Variants in TNC observed in about 807,000 individuals in gnomAD.
The protein encoded by TNC is tenascin.
TNC carries 109 observed loss-of-function variants against 202.4 expected under a neutral mutation model. The ratio of observed to expected loss-of-function variants is 0.54; its 90% CI spans 0.46 to 0.63. The LOEUF (loss-of-function observed/expected upper bound fraction) is 0.63. TNC is among the 30% of genes least tolerant of loss of function. The pLI, the probability that TNC is intolerant of heterozygous loss-of-function variation, is 0.00. For missense variants in TNC, 2,756 were observed against 2,833.3 expected (o/e 0.97, Z 0.62); for synonymous variants, 1,007 against 1,089.7 (o/e 0.92, Z 1.50).
At chr9:115,073,891 T>C (rs1362106982) in intron 9 of TNC, 25 bp from the exon 10 acceptor site, 3 of 1,600,008 alleles carry the variant, frequency 1.9e-6, no homozygotes, top group Non-Finnish European at 2.5e-6. Flanking sequence ...GAGAGATGAA[T>C]GCTCTTCAGG....
At chr9:115,064,105 C>A in intron 11 of TNC, 37 bp from the exon 12 acceptor site, 1 of 1,547,612 alleles carries the variant, frequency 6.5e-7, no homozygotes, top group South Asian at 1.2e-5. Context: ...GTGATCAAAT[C>A]ACACAACAAG....
chr9:115,090,869 A>C lies in TNC; in HGVS notation c.150T>G (p.Phe50Leu). The change falls in exon 2 of 28, where the codon TTT (phenylalanine) becomes TTG (leucine). Residue 50 changes from phenylalanine to leucine, a missense_variant. Transcript: ENST00000350763. ...GCAGCTTGATGTTGTAAACGTGGTT[A>C]AACACCACTGGCTGGTTCTCTTCTG... ...TLPEENQPVV[F>L]NHVYNIKLPV... The C allele has an allele frequency of 6.2e-7, 1 of 1,614,198 alleles. No individual in the cohort carries two copies. Among genetic ancestry groups the C allele is most frequent in the East Asian group, 2.2e-5 (1 of 44,878 alleles).
intron 9 of TNC, among the ~76,000 whole-genome samples, chr9:115,075,432 A>C (rs551582512): frequency 5.9e-5 from 9 of 152,242 alleles, no homozygotes; most frequent in African/African-American, 1.9e-4. Context: ...TAAAAGATGC[A>C]ACTGATTACC....
At chr9:115,030,725 T>C (rs1045059377) in intron 23 of TNC, among the ~76,000 whole-genome samples, 1 of 152,200 alleles carries the variant, frequency 6.6e-6, no homozygotes, top group Admixed American at 6.5e-5. Flanking sequence ...GCATCTGGCA[T>C]AAGATCTGGC....
At position 115,063,785 on chromosome 9, in the gene TNC, G is replaced by A. The variant is rs767698134; in HGVS notation, c.3760+11C>T. 46 of 1,604,094 alleles carry A rather than the reference G, an allele frequency of 2.9e-5. No homozygotes were observed. Among genetic ancestry groups the A allele is most frequent in the Admixed American group, 1.8e-4 (11 of 59,750 alleles). On this transcript the variant is annotated intron_variant, in intron 12 of 27. Coordinates refer to ENST00000350763, the MANE Select transcript of TNC (RefSeq NM_002160.4). ...GGGGAGGAAGTGAATTAGTGAATTC[G>A]TCTAGAATACCTGTCAAGACTTCAA...
Position 115,047,627 on chromosome 9 carries a change from C to T in TNC, c.4852+633G>A, listed in dbSNP as rs565643172. ...TTATTTGAACGTGGAATTTCCTCAC[C>T]GAGTAGGACCTTTGAACATTCTGTG... On this transcript the variant is annotated intron_variant, in intron 16 of 27. Transcript: ENST00000350763. Among the ~76,000 whole-genome samples, 12 of 152,176 alleles carry T rather than the reference C, an allele frequency of 7.9e-5. No homozygotes were observed. The South Asian group carries it at 1.7e-3, about 21-fold the overall frequency.
At chr9:115,093,918 G>A (rs1835422022) in intron 1 of TNC, among the ~76,000 whole-genome samples, 1 of 152,108 alleles carries the variant, frequency 6.6e-6, no homozygotes, top group Non-Finnish European at 1.5e-5. Context: ...GCTCATGGTG[G>A]TCTGAGGGCA....
At position 115,038,268 on chromosome 9, in the gene TNC, G is replaced by A. The variant is rs146574339; in HGVS notation, c.5505C>T (p.Gly1835=). Reference sequence around the variant, plus strand: ...ACTTGGACAAAACCTTACCTTTCTCGCCTGTGTAGGAGATGACATAACTGT... The same window carrying A: ...ACTTGGACAAAACCTTACCTTTCTCACCTGTGTAGGAGATGACATAACTGT... ...TVDSYVISYT[G]EKVPEITRTV... is the part of the protein sequence containing the mutation. Residue 1835 remains glycine, a synonymous_variant, in exon 20 of 28, where the codon GGC becomes GGT. Transcript: ENST00000350763. The A allele has an allele frequency of 5.4e-5, 87 of 1,613,796 alleles. No homozygotes were observed. The highest frequency in any genetic ancestry group is 6.7e-5 in the East Asian group (3 of 44,866).
chr9:115,078,228 G>T lies in TNC; in HGVS notation c.2405-16C>A. 6.3e-7 allele frequency: 1 copy of T among 1,592,964 alleles called. No individual in the cohort carries two copies. Among genetic ancestry groups the T allele is most frequent in the Non-Finnish European group, 8.6e-7 (1 of 1,165,376 alleles). ...GCATCCAAGCCTATGATGGGCAGAG[G>T]ACAGAGAGGCTTCAGAGGTTAGGGC... On this transcript the variant is annotated splice_polypyrimidine_tract_variant and intron_variant, in intron 6 of 27. Transcript: ENST00000350763.
chr9:115,043,408 A>G (rs1471064024), intron 17 of TNC, among the ~76,000 whole-genome samples: 1 of 152,136 alleles, frequency 6.6e-6, no homozygotes, highest in Non-Finnish European at 1.5e-5. Context: ...AGTTTCAGAA[A>G]CCACATGGGT....
intron 1 of TNC, among the ~76,000 whole-genome samples, chr9:115,115,272 C>T (rs1329103117): frequency 6.6e-6 from 1 of 152,142 alleles, no homozygotes; most frequent in African/African-American, 2.4e-5. Flanking sequence ...CCACAGTCTG[C>T]CTGGAGGGGC....
chr9:115,030,125 A>G (rs1425834859), intron 24 of TNC, 129 bp downstream of exon 24: 4 of 954,020 alleles, frequency 4.2e-6, no homozygotes, highest in African/African-American at 1.6e-5. Flanking sequence ...GACAGGCACT[A>G]TCTTGCAAGG....
intron 10 of TNC, 140 bp downstream of exon 10, chr9:115,073,463 A>G: frequency 1.1e-6 from 1 of 937,414 alleles, no homozygotes. Context: ...GCCCTTTCAA[A>G]GTGGTGTTCA....
At chr9:115,077,424 C>T (rs1322034185) in intron 7 of TNC, among the ~76,000 whole-genome samples, 1 of 151,832 alleles carries the variant, frequency 6.6e-6, no homozygotes, top group Non-Finnish European at 1.5e-5. Flanking sequence ...ATCTCTTGAC[C>T]TCATGATCTG....
Position 115,081,871 on chromosome 9 carries a change from G to C in TNC, c.2305C>G (p.Arg769Gly). 1 of 1,602,280 alleles carries C rather than the reference G, an allele frequency of 6.2e-7. No individual in the cohort carries two copies. The highest frequency in any genetic ancestry group is 1.1e-5 in the South Asian group (1 of 88,390). ...KSLRRPETSY[R>G]QTGLAPGQEY... ...TGCCCAGGAGCTAGACCAGTTTGCC[G>C]GTAAGAGGTCTCTGGCCTCCTCAGG... The change falls in exon 6 of 28, where the codon CGG becomes GGG. Residue 769 changes from arginine (R) to glycine (G), a missense_variant. This residue lies in a region of TNC where 2,559 missense variants were observed against 2,546.0 expected (regional missense o/e 1.01). Coordinates refer to ENST00000350763, the MANE Select transcript of TNC (RefSeq NM_002160.4).
At chr9:115,061,117 G>A (rs1832512666) in intron 13 of TNC, among the ~76,000 whole-genome samples, 1 of 152,186 alleles carries the variant, frequency 6.6e-6, no homozygotes, top group Non-Finnish European at 1.5e-5. Context: ...GGCTGAAGTG[G>A]CCATGGGTTA....
At chr9:115,030,220 G>T (rs1335162284) in intron 24 of TNC, 34 bp downstream of exon 24, 2 of 1,576,704 alleles carry the variant, frequency 1.3e-6, no homozygotes, top group South Asian at 1.1e-5. Flanking sequence ...CTTCCCCTAG[G>T]CCTGAGGGCT....
rs1421201429 is a variant in TNC at position 115,073,634 on chromosome 9, C to G, written c.3183G>C (p.Lys1061Asn). The G allele has an allele frequency of 2.5e-6, 4 of 1,614,158 alleles. No homozygotes were observed. The highest frequency in any genetic ancestry group is 3.4e-6 in the Non-Finnish European group (4 of 1,180,022). The change falls in exon 10 of 28, where the codon AAG becomes AAC. Residue 1061 changes from lysine (K) to asparagine (N), a missense_variant. Lys to Asn is a moderately conservative substitution (Grantham distance 94). Transcript: ENST00000350763. ...VLLTAEKGRH[K>N]SKPARVKAST... ...ATGCCTTCACACGTGCGGGCTTGCT[C>G]TTGTGTCTGCCTTTCTCGGCTGTCA...
chr9:115,044,550 A>T (rs1267872270), intron 17 of TNC, among the ~76,000 whole-genome samples: 1 of 152,122 alleles, frequency 6.6e-6, no homozygotes, highest in Non-Finnish European at 1.5e-5. Context: ...AAAAAAATTC[A>T]ATTCATGATT....
Sources: gnomAD v4.1 joint callset for allele counts (sites outside exome capture counted in the v4.1 genomes callset) on GRCh38, gnomAD v4.1.1 for gene constraint, gnomAD v4.1.1 regional missense constraint, MANE v1.5 for transcripts, NCBI Gene and HGNC (gene_info 2026-07-23, HGNC 2026-07-21) for gene names.